The following BICC1 variants were observed in gnomAD, a reference collection of about 807,000 sequenced individuals.
BICC1 encodes the protein protein bicaudal C homolog 1.
A neutral mutation model predicts 111.0 loss-of-function variants in BICC1; 43 were observed. The ratio of observed to expected loss-of-function variants is 0.39; its 90% CI spans 0.30 to 0.50. BICC1 has a LOEUF of 0.50. Ranked by LOEUF, BICC1 falls within the 20% of genes least tolerant of loss-of-function variation. The pLI is 0.88. For synonymous variants in BICC1, 467 were observed against 434.4 expected (o/e 1.07, Z -0.93); for missense variants, 1,091 against 1,203.2 (o/e 0.91, Z 1.38).
At chr10:58,729,299 C>G (rs955715927) in intron 3 of BICC1, among the ~76,000 whole-genome samples, 1 of 152,220 alleles carries the variant, frequency 6.6e-6, no homozygotes. Flanking sequence ...GCTTCTACAT[C>G]AGCACTTGCT....
intron 1 of BICC1, among the ~76,000 whole-genome samples, chr10:58,530,329 T>C (rs1447201564): frequency 6.6e-6 from 1 of 151,736 alleles, no homozygotes; most frequent in Non-Finnish European, 1.5e-5. Context: ...CTACTTCTGG[T>C]GAGGCCCAGA....
chr10:58,621,757 G>C (rs1254417301), intron 2 of BICC1, among the ~76,000 whole-genome samples: 2 of 151,874 alleles, frequency 1.3e-5, no homozygotes, highest in East Asian at 3.9e-4. Flanking sequence ...AGTTAGCCCG[G>C]TGTGGTCGCA....
rs567298030 is a variant in BICC1, at chr10:58,690,745, T to C, written c.238-11329T>C. 1.4e-4 allele frequency among the ~76,000 whole-genome samples: 21 copies of C among 152,276 alleles called. No individual in the cohort carries two copies. In the South Asian group the frequency reaches 3.9e-3, roughly 29 times the overall value. Reference sequence around the variant, plus strand: ...GCTGATCTGTTATTACTCATCAGCATAGATGCCATCAGGACCTACTAAGCT... The same window carrying C: ...GCTGATCTGTTATTACTCATCAGCACAGATGCCATCAGGACCTACTAAGCT... On this transcript the variant is annotated intron_variant, in intron 2 of 20. Coordinates refer to ENST00000373886, the MANE Select transcript of BICC1 (RefSeq NM_001080512.3).
chr10:58,789,582 T>C (rs1843113730), intron 7 of BICC1, 100 bp from the exon 8 acceptor site: 1 of 1,530,030 alleles, frequency 6.5e-7, no homozygotes, highest in Non-Finnish European at 8.9e-7. Context: ...TTGCAGAATA[T>C]GCTGTATTTT....
chr10:58,545,930 G>T (rs543585297), intron 1 of BICC1, among the ~76,000 whole-genome samples: 1 of 152,260 alleles, frequency 6.6e-6, no homozygotes, highest in African/African-American at 2.4e-5. Flanking sequence ...TTGCTCTGGA[G>T]GTTGGGAGGG....
chr10:58,814,091 G>T (rs752445304), intron 18 of BICC1, 105 bp downstream of exon 18: 25 of 1,317,138 alleles, frequency 1.9e-5, no homozygotes, highest in Non-Finnish European at 2.6e-5. Context: ...CAAGTGCTTG[G>T]TGTAATTCAC....
intron 2 of BICC1, among the ~76,000 whole-genome samples, chr10:58,690,935 G>A (rs929547546): frequency 9.2e-5 from 14 of 152,102 alleles, no homozygotes; most frequent in Non-Finnish European, 1.3e-4. Flanking sequence ...TGTTAAATCA[G>A]TACTATTTCC....
intron 20 of BICC1, chr10:58,823,175 T>C (rs945272940): frequency 1.0e-6 from 1 of 957,100 alleles, no homozygotes; most frequent in African/African-American, 1.8e-5. Flanking sequence ...GTTGACAGGC[T>C]TCCCACCACG....
chr10:58,597,690 C>T (rs981354787), intron 1 of BICC1, among the ~76,000 whole-genome samples: 8 of 152,150 alleles, frequency 5.3e-5, no homozygotes. Context: ...TTGACCTCCC[C>T]CCAGGAATGC....
intron 3 of BICC1, among the ~76,000 whole-genome samples, chr10:58,770,785 T>C (rs1269259880): frequency 1.3e-5 from 2 of 152,212 alleles, no homozygotes; most frequent in Non-Finnish European, 2.9e-5. Context: ...CAGCATGTGA[T>C]GTGTCTGCAA....
intron 1 of BICC1, among the ~76,000 whole-genome samples, chr10:58,532,360 T>C (rs1442137028): frequency 6.6e-6 from 1 of 151,794 alleles, no homozygotes. Context: ...AAATTCCTGC[T>C]GATTTGGGTA....
intron 3 of BICC1, among the ~76,000 whole-genome samples, chr10:58,779,301 A>G (rs561292194): frequency 2.7e-4 from 41 of 152,348 alleles, no homozygotes; most frequent in African/African-American, 9.1e-4. Context: ...GGGGTTGTCA[A>G]TGCATTTGTT....
chr10:58,758,176 A>C (rs547670109), intron 3 of BICC1, among the ~76,000 whole-genome samples: 2 of 152,324 alleles, frequency 1.3e-5, no homozygotes, highest in South Asian at 4.1e-4. Flanking sequence ...GGTTGGAAAA[A>C]TATGTTGTAT....
intron 18 of BICC1, among the ~76,000 whole-genome samples, chr10:58,816,344 C>T (rs936599349): frequency 6.6e-6 from 1 of 152,084 alleles, no homozygotes; most frequent in Non-Finnish European, 1.5e-5. Context: ...TGGAGTGTCC[C>T]AGGACTCAGT....
chr10:58,714,131 A>T (rs1442348281), intron 3 of BICC1, among the ~76,000 whole-genome samples: 1 of 152,240 alleles, frequency 6.6e-6, no homozygotes, highest in Non-Finnish European at 1.5e-5. Flanking sequence ...CTCAAGGTTG[A>T]GAAATGCTGA....
chr10:58,831,241 C>T lies in BICC1; in HGVS notation c.*2350C>T, dbSNP rs535213991. 49 of 152,196 alleles carry T rather than the reference C, an allele frequency of 3.2e-4. No homozygotes were observed. In the East Asian group the frequency reaches 5.4e-3, roughly 17 times the overall value. 9.4% of individuals were successfully genotyped at this position (152,196 alleles called of 1,614,324 possible). ...TGAATAAATGTTAACTTTTAATCTGCGCCTTAATAATGACTGGTTATCTGT... is the reference window on the plus strand; with the variant it reads ...TGAATAAATGTTAACTTTTAATCTGTGCCTTAATAATGACTGGTTATCTGT... On this transcript the variant is annotated 3_prime_UTR_variant, in exon 21 of 21. Coordinates refer to ENST00000373886, the MANE Select transcript of BICC1 (RefSeq NM_001080512.3).
chr10:58,736,360 C>T (rs1002999635), intron 3 of BICC1, among the ~76,000 whole-genome samples: 1 of 132,516 alleles, frequency 7.5e-6, no homozygotes, highest in Admixed American at 8.2e-5. Context: ...TTTTGTTTAT[C>T]AAATGTTTCT....
At chr10:58,733,698 T>A (rs974022288) in intron 3 of BICC1, among the ~76,000 whole-genome samples, 1 of 152,214 alleles carries the variant, frequency 6.6e-6, no homozygotes, top group Non-Finnish European at 1.5e-5. Flanking sequence ...TAAAAATCAA[T>A]CACATGGCTA....
In BICC1 at chr10:58,807,041, G is replaced by T. The variant is rs111456404; in HGVS notation, c.2259G>T (p.Thr753=). The part of the protein sequence containing the change: ...LKKPVVTEVR[T]PTNTWSGLGF... Reference sequence around the variant, plus strand: ...AACCAGTGGTGACGGAGGTCAGAACGCCCACAAATACCTGGAGTGGCCTGG... The same window carrying T: ...AACCAGTGGTGACGGAGGTCAGAACTCCCACAAATACCTGGAGTGGCCTGG... Residue 753 remains threonine, a synonymous_variant, in exon 17 of 21, where the codon ACG becomes ACT. Transcript: ENST00000373886. 7 of 1,613,694 alleles carry T rather than the reference G, an allele frequency of 4.3e-6. No individual in the cohort carries two copies. Among genetic ancestry groups the T allele is most frequent in the African/African-American group, 1.3e-5 (1 of 75,016 alleles).
Sources: gnomAD v4.1 joint callset for allele counts (sites outside exome capture counted in the v4.1 genomes callset) on GRCh38, gnomAD v4.1.1 for gene constraint, MANE v1.5 for transcripts, NCBI Gene and HGNC (gene_info 2026-07-23, HGNC 2026-07-21) for gene names.